Variants in C16orf74 observed in about 807,000 individuals in gnomAD.
C16orf74 encodes the protein calcimembrin.
A neutral mutation model predicts 6.5 loss-of-function variants in C16orf74; 10 were observed. The ratio of observed to expected loss-of-function variants is 1.54; its 90% CI spans 0.95 to 2.61. C16orf74 has a LOEUF of 2.61. Among genes scored for constraint, C16orf74 ranks in the 30% most tolerant of loss-of-function variants. The pLI, the probability that C16orf74 is intolerant of heterozygous loss-of-function variation, is 0.00. For synonymous variants in C16orf74, 60 were observed against 42.5 expected (o/e 1.41, Z -1.60); for missense variants, 141 against 105.9 (o/e 1.33, Z -1.45).
intron 2 of C16orf74, among the ~76,000 whole-genome samples, chr16:85,718,460 C>T (rs1319108082): frequency 2.0e-5 from 3 of 152,124 alleles, no homozygotes; most frequent in Admixed American, 6.5e-5. Context: ...GGCACCATCA[C>T]ACACACACAG....
chr16:85,710,353 G>C (rs766820240), intron 2 of C16orf74, 46 bp from the exon 3 acceptor site: 11 of 1,434,706 alleles, frequency 7.7e-6, no homozygotes, highest in African/African-American at 1.5e-5. Flanking sequence ...ACACGACAGA[G>C]AGACAGGCAT....
intron 2 of C16orf74, among the ~76,000 whole-genome samples, chr16:85,728,457 A>C (rs145230124): frequency 6.6e-6 from 1 of 152,190 alleles, no homozygotes; most frequent in Non-Finnish European, 1.5e-5. Context: ...TGCTGGGACC[A>C]GTCTCATTCC....
At chr16:85,747,839 G>C (rs1400151109) in intron 1 of C16orf74, among the ~76,000 whole-genome samples, 2 of 152,072 alleles carry the variant, frequency 1.3e-5, no homozygotes, top group Admixed American at 1.3e-4. Context: ...TGTAATCCCA[G>C]CACTTTGGGA....
chr16:85,742,324 G>C (rs1198315315), intron 1 of C16orf74, among the ~76,000 whole-genome samples: 1 of 152,154 alleles, frequency 6.6e-6, no homozygotes, highest in Admixed American at 6.5e-5. Context: ...AGTGAGCCGA[G>C]ATCATGCCAC....
At chr16:85,731,079 T>G (rs2054182859) in intron 2 of C16orf74, among the ~76,000 whole-genome samples, 1 of 152,250 alleles carries the variant, frequency 6.6e-6, no homozygotes, top group Admixed American at 6.5e-5. Flanking sequence ...CTAGATAGTA[T>G]GTCCTTGAGC....
At chr16:85,748,718 A>G (rs2054401753) in intron 1 of C16orf74, among the ~76,000 whole-genome samples, 1 of 152,174 alleles carries the variant, frequency 6.6e-6, no homozygotes, top group African/African-American at 2.4e-5. Flanking sequence ...CATGTTTCTT[A>G]TCAGACTTAA....
At chr16:85,718,437 C>A (rs1240234692) in intron 2 of C16orf74, among the ~76,000 whole-genome samples, 1 of 152,230 alleles carries the variant, frequency 6.6e-6, no homozygotes, top group East Asian at 1.9e-4. Context: ...TGGGACCACG[C>A]CCTCTTCCCC....
At chr16:85,715,687 A>C (rs901251030) in intron 2 of C16orf74, among the ~76,000 whole-genome samples, 2 of 152,222 alleles carry the variant, frequency 1.3e-5, no homozygotes, top group African/African-American at 4.8e-5. Context: ...AAAAGCAGGC[A>C]TCAGGCAGGA....
At chr16:85,732,841 G>A (rs918882804) in intron 2 of C16orf74, among the ~76,000 whole-genome samples, 4 of 152,084 alleles carry the variant, frequency 2.6e-5, no homozygotes, top group African/African-American at 7.2e-5. Context: ...AGCCACACTC[G>A]GGACAGGCGC....
intron 3 of C16orf74, among the ~76,000 whole-genome samples, chr16:85,709,887 G>A (rs776784944): frequency 6.6e-6 from 1 of 151,384 alleles, no homozygotes; most frequent in African/African-American, 2.4e-5. Context: ...GGCCGGAGCC[G>A]CGGCGTGGCG....
intron 2 of C16orf74, among the ~76,000 whole-genome samples, chr16:85,716,457 G>A (rs1317193313): frequency 7.0e-6 from 1 of 142,992 alleles, no homozygotes; most frequent in Non-Finnish European, 1.5e-5. Context: ...AAGGAAGAGA[G>A]GAGGGAGAGG....
At chr16:85,745,893 C>A (rs1007171264) in intron 1 of C16orf74, among the ~76,000 whole-genome samples, 1 of 152,192 alleles carries the variant, frequency 6.6e-6, no homozygotes, top group Non-Finnish European at 1.5e-5. Flanking sequence ...GTGTGGATCA[C>A]AGAAGTTCAG....
intron 2 of C16orf74, among the ~76,000 whole-genome samples, chr16:85,716,719 G>A (rs1170290603): frequency 1.3e-5 from 2 of 151,344 alleles, no homozygotes; most frequent in East Asian, 3.9e-4. Context: ...GGAGAGGGGA[G>A]GGCAGGCAGG....
intron 1 of C16orf74, among the ~76,000 whole-genome samples, chr16:85,741,458 A>G (rs388855): frequency 1 from 152,254 of 152,298 alleles, 76,105 homozygotes; most frequent in Middle Eastern, 1. Flanking sequence ...AGCTCCAGCC[A>G]GGATTCAGGT....
chr16:85,740,334 C>A (rs1053588693), intron 1 of C16orf74, among the ~76,000 whole-genome samples: 3 of 151,332 alleles, frequency 2.0e-5, no homozygotes, highest in Admixed American at 2.0e-4. Flanking sequence ...GAGGGCAGAT[C>A]ACCTGAGGTG....
chr16:85,711,029 G>A (rs2053964173), intron 2 of C16orf74, among the ~76,000 whole-genome samples: 2 of 152,148 alleles, frequency 1.3e-5, no homozygotes, highest in Admixed American at 1.3e-4. Flanking sequence ...AATTTCAAAT[G>A]CCAGCCGGGC....
chr16:85,721,958 A>G (rs1430944278), intron 2 of C16orf74, among the ~76,000 whole-genome samples: 1 of 137,822 alleles, frequency 7.3e-6, no homozygotes, highest in African/African-American at 2.8e-5. Context: ...TAGCCTTCTC[A>G]TTGGAATAGA....
intron 1 of C16orf74, among the ~76,000 whole-genome samples, chr16:85,742,482 T>G (rs2054320104): frequency 6.6e-6 from 1 of 152,142 alleles, no homozygotes; most frequent in Non-Finnish European, 1.5e-5. Context: ...GGAAGCAGCC[T>G]GAGGCCCTCA....
intron 1 of C16orf74, among the ~76,000 whole-genome samples, chr16:85,735,883 C>G (rs139102505): frequency 6.6e-6 from 1 of 152,304 alleles, no homozygotes; most frequent in East Asian, 1.9e-4. Context: ...CCTGCATGCT[C>G]TTGACACTCA....
Sources: gnomAD v4.1 joint callset for allele counts (sites outside exome capture counted in the v4.1 genomes callset) on GRCh38, gnomAD v4.1.1 for gene constraint, MANE v1.5 for transcripts, NCBI Gene and HGNC (gene_info 2026-07-23, HGNC 2026-07-21) for gene names.